NPC2: variants seen among roughly 807,000 people sequenced by gnomAD.
The protein encoded by NPC2 is Niemann-Pick disease type C2 protein.
Under a neutral mutation model 17.0 loss-of-function variants are expected in NPC2, and 14 were observed. The observed-to-expected ratio is 0.82, with a 90% CI of 0.54 to 1.29. NPC2 has a LOEUF of 1.29. NPC2 is among the 50% of genes most tolerant of loss of function. NPC2 has a pLI of 0.00. For missense variants in NPC2, 167 were observed against 183.4 expected (o/e 0.91, Z 0.52); for synonymous variants, 75 against 69.3 (o/e 1.08, Z -0.41).
intron 1 of NPC2, among the ~76,000 whole-genome samples, chr14:74,492,748 G>C (rs1262927190): frequency 6.6e-6 from 1 of 152,124 alleles, no homozygotes; most frequent in Non-Finnish European, 1.5e-5. Flanking sequence ...AATAAATGAT[G>C]AAAAAGGGGA....
chr14:74,491,810 A>G (rs2139675033), intron 1 of NPC2, among the ~76,000 whole-genome samples: 1 of 152,234 alleles, frequency 6.6e-6, no homozygotes, highest in East Asian at 1.9e-4. Flanking sequence ...CTAGTCTTGG[A>G]GAGGAATTTA....
At chr14:74,480,562 CAG>C in intron 4 of NPC2, 138 bp downstream of exon 4, 1 of 825,456 alleles carries the variant, frequency 1.2e-6, no homozygotes, top group Non-Finnish European at 2.1e-6. Flanking sequence ...AATAGGGTCT[CAG>C]ATGCTTTTAG....
At chr14:74,486,489 C>G in intron 1 of NPC2, 53 bp from the exon 2 acceptor site, 1 of 1,439,874 alleles carries the variant, frequency 6.9e-7, no homozygotes, top group Non-Finnish European at 9.6e-7. Flanking sequence ...AATAAGCCAG[C>G]TAGGCTGCCC....
intron 1 of NPC2, among the ~76,000 whole-genome samples, chr14:74,492,667 G>A (rs1387414316): frequency 2.6e-5 from 4 of 152,114 alleles, no homozygotes; most frequent in Non-Finnish European, 4.4e-5. Flanking sequence ...GAGACACAAT[G>A]AGATTTATAC....
intron 1 of NPC2, among the ~76,000 whole-genome samples, chr14:74,490,226 A>G (rs2086757119): frequency 6.6e-6 from 1 of 152,226 alleles, no homozygotes; most frequent in African/African-American, 2.4e-5. Context: ...GAACTCAGAA[A>G]TCTAAGTAGA....
chr14:74,485,678 A>C (rs1217930142), intron 2 of NPC2, among the ~76,000 whole-genome samples: 3 of 152,212 alleles, frequency 2.0e-5, no homozygotes, highest in Non-Finnish European at 4.4e-5. Flanking sequence ...CAGGACAGAA[A>C]ATGAGGAAAA....
upstream of NPC2, chr14:74,493,378 T>C (rs2086800261): frequency 6.5e-7 from 1 of 1,550,132 alleles, no homozygotes; most frequent in African/African-American, 1.4e-5. This position sits in a 1 kb window ranked among gnomAD's most constrained non-coding sequence, Gnocchi z 4.1. Flanking sequence ...TCAGGCGACC[T>C]GTCACCAGTA....
At position 74,480,296 on chromosome 14, in the gene NPC2, T is replaced by G. The variant is rs758764082; in HGVS notation, c.442-8A>C. ...CACTTAGAGATGAGAAACCTGTGGA[T>G]GTAATGTCCCAGCTCAGTGGAAGTG... On this transcript the variant is annotated splice_region_variant and splice_polypyrimidine_tract_variant and intron_variant, in intron 4 of 4. Transcript: ENST00000555619. The G allele has an allele frequency of 9.3e-6, 15 of 1,611,258 alleles. No individual in the cohort carries two copies. In the Admixed American group the frequency reaches 1.2e-4, roughly 13 times the overall value.
At chr14:74,483,038 T>C (rs1262883902) in intron 3 of NPC2, 2 of 1,275,190 alleles carry the variant, frequency 1.6e-6, no homozygotes, top group Non-Finnish European at 2.3e-6. Context: ...GTTCAGTTTG[T>C]TCAGGGAATT....
intron 3 of NPC2, among the ~76,000 whole-genome samples, chr14:74,483,691 C>T (rs906162727): frequency 2.0e-5 from 3 of 152,144 alleles, no homozygotes; most frequent in Non-Finnish European, 2.9e-5. Context: ...AAAAAAACTG[C>T]TCTGTGTATA....
chr14:74,486,496 G>A, intron 1 of NPC2, 60 bp from the exon 2 acceptor site: 2 of 1,364,424 alleles, frequency 1.5e-6, no homozygotes, highest in South Asian at 1.2e-5. Flanking sequence ...CAGCTAGGCT[G>A]CCCACCACCT....
chr14:74,492,042 T>C (rs2086779621), intron 1 of NPC2, among the ~76,000 whole-genome samples: 1 of 152,126 alleles, frequency 6.6e-6, no homozygotes, highest in South Asian at 2.1e-4. Context: ...AGATCCTGCA[T>C]TCCGATGCAG....
intron 2 of NPC2, among the ~76,000 whole-genome samples, chr14:74,485,294 C>CAAAAAAAAAAAAAAAAAAAAAAAA (rs61395005): frequency 7.0e-5 from 5 of 71,332 alleles, no homozygotes; most frequent in African/African-American, 2.3e-4. Context: ...GACTCTGTCA[C>CAAAAAAAAAAAAAAAAAAAAAAAA]AAAAAAAAAA....
At chr14:74,484,064 A>C (rs542056213) in intron 3 of NPC2, among the ~76,000 whole-genome samples, 1 of 152,348 alleles carries the variant, frequency 6.6e-6, no homozygotes, top group Admixed American at 6.5e-5. Context: ...ACGACTTTCA[A>C]AGCTAAAATA....
chr14:74,486,558 C>T, intron 1 of NPC2, 122 bp from the exon 2 acceptor site: 1 of 759,744 alleles, frequency 1.3e-6, no homozygotes, highest in Non-Finnish European at 2.3e-6. Context: ...TCTCCTCGGA[C>T]TGTTTCCCAG....
intron 1 of NPC2, among the ~76,000 whole-genome samples, chr14:74,492,671 T>C (rs1287195278): frequency 6.6e-6 from 1 of 152,054 alleles, no homozygotes; most frequent in Non-Finnish European, 1.5e-5. Flanking sequence ...CACAATGAGA[T>C]TTATACAAGG....
At chr14:74,484,771 A>AC (rs1425256601) in intron 2 of NPC2, among the ~76,000 whole-genome samples, 184 bp from the exon 3 acceptor site, 1 of 150,964 alleles carries the variant, frequency 6.6e-6, no homozygotes, top group Non-Finnish European at 1.5e-5. Context: ...AAAAAAAAAA[A>AC]AAAAAAACAA....
chr14:74,481,091 T>C (rs1300311199), intron 3 of NPC2, among the ~76,000 whole-genome samples: 1 of 152,262 alleles, frequency 6.6e-6, no homozygotes, highest in Admixed American at 6.5e-5. Flanking sequence ...GTTTGGTTAT[T>C]TGTCCCTTTG....
rs1038433825 is a variant in NPC2 at position 74,480,739 on chromosome 14, T to G, written c.404A>C (p.Asn135Thr). ...VVEWQLQDDK[N>T]QSLFCWEIPV... is the part of the protein sequence containing the mutation. Reference sequence around the variant, plus strand: ...GATTTCCCAGCAGAAGAGACTTTGGTTTTTGTCATCCTGAAGTTGCCACTC... The same window carrying G: ...GATTTCCCAGCAGAAGAGACTTTGGGTTTTGTCATCCTGAAGTTGCCACTC... Residue 135 changes from asparagine to threonine, a missense_variant, in exon 4 of 5, where the codon AAC (asparagine) becomes ACC (threonine). By Grantham distance (65) the Asn-to-Thr change is moderately conservative. Coordinates refer to ENST00000555619, the MANE Select transcript of NPC2 (RefSeq NM_006432.5). 8.7e-6 allele frequency: 14 copies of G among 1,613,974 alleles called. No individual in the cohort carries two copies. The highest frequency in any genetic ancestry group is 1.1e-5 in the Non-Finnish European group (13 of 1,179,860).
Sources: allele counts gnomAD v4.1 joint callset (sites outside exome capture counted in the v4.1 genomes callset), GRCh38; gene constraint gnomAD v4.1.1; non-coding constraint Gnocchi (gnomAD v3.1); transcripts MANE v1.5; gene names NCBI Gene and HGNC (gene_info 2026-07-23, HGNC 2026-07-21).